PARP8: variants seen among roughly 807,000 people sequenced by gnomAD.
PARP8 encodes the protein protein mono-ADP-ribosyltransferase PARP8.
PARP8 carries 51 observed loss-of-function variants against 124.1 expected under a neutral mutation model. The ratio of observed to expected loss-of-function variants is 0.41; its 90% confidence interval spans 0.33 to 0.52. The LOEUF is 0.52. Ranked by LOEUF, PARP8 falls within the 20% of genes least tolerant of loss-of-function variation. The pLI is 0.21. For missense variants in PARP8, 860 were observed against 1,018.9 expected (o/e 0.84, Z 2.12); for synonymous variants, 391 against 361.5 (o/e 1.08, Z -0.93).
At chr5:50,673,001 A>G (rs1579899827) in intron 2 of PARP8, among the ~76,000 whole-genome samples, 1 of 152,354 alleles carries the variant, frequency 6.6e-6, no homozygotes, top group East Asian at 1.9e-4. Context: ...AGATGTCACA[A>G]TGAAAACAGT....
intron 3 of PARP8, among the ~76,000 whole-genome samples, 170 bp from the exon 4 acceptor site, chr5:50,759,473 C>T (rs1315658342): frequency 6.6e-6 from 1 of 152,156 alleles, no homozygotes; most frequent in Non-Finnish European, 1.5e-5. Flanking sequence ...TTACTTCACA[C>T]ATAAATCTGC....
intron 2 of PARP8, among the ~76,000 whole-genome samples, chr5:50,722,965 T>C (rs1173899478): frequency 6.6e-6 from 1 of 152,138 alleles, no homozygotes; most frequent in Non-Finnish European, 1.5e-5. Flanking sequence ...TAATGCAGCT[T>C]GGCAGCAGTG....
chr5:50,761,749 A>C, intron 5 of PARP8, 72 bp from the exon 6 acceptor site: 3 of 982,578 alleles, frequency 3.1e-6, no homozygotes, highest in Non-Finnish European at 4.6e-6. Context: ...CTTGCCTATT[A>C]TAGTCACTTG....
At chr5:50,761,184 A>G (rs1256082224) in intron 5 of PARP8, among the ~76,000 whole-genome samples, 2 of 152,216 alleles carry the variant, frequency 1.3e-5, no homozygotes, top group Middle Eastern at 3.4e-3. Context: ...TAATAGGGCC[A>G]GTGATAGGAA....
At chr5:50,691,724 T>C (rs1397424715) in intron 2 of PARP8, among the ~76,000 whole-genome samples, 1 of 152,120 alleles carries the variant, frequency 6.6e-6, no homozygotes, top group Non-Finnish European at 1.5e-5. Context: ...CTACTAGACA[T>C]CACAAACTGG....
At chr5:50,835,978 T>G (rs774377374) in intron 25 of PARP8, among the ~76,000 whole-genome samples, 10 of 152,166 alleles carry the variant, frequency 6.6e-5, no homozygotes, top group Non-Finnish European at 1.3e-4. Context: ...TTGTACTTTA[T>G]GTAGTATATT....
intron 2 of PARP8, among the ~76,000 whole-genome samples, chr5:50,719,458 G>A (rs1561285882): frequency 6.6e-6 from 1 of 151,940 alleles, no homozygotes; most frequent in East Asian, 1.9e-4. Flanking sequence ...CATAGTTTCA[G>A]GTCTTAGATT....
intron 15 of PARP8, among the ~76,000 whole-genome samples, chr5:50,818,213 T>C (rs1248251326): frequency 1.7e-5 from 2 of 119,978 alleles, no homozygotes; most frequent in African/African-American, 3.3e-5. Flanking sequence ...CATAGTTGTG[T>C]GCTCTTTTTT....
chr5:50,799,857 T>TCAATTTGTG (rs1347628872), intron 14 of PARP8, among the ~76,000 whole-genome samples: 1 of 152,112 alleles, frequency 6.6e-6, no homozygotes, highest in Admixed American at 6.5e-5. Context: ...AGCAAGAAGA[T>TCAATTTGTG]CAATTTGTGG....
At position 50,844,020 on chromosome 5, in the gene PARP8, T is replaced by G. The variant is rs1047405872; in HGVS notation, c.*1952T>G. ...ATTCAAAATCCACTGACCTAATCCATTATGGCTTTACTTAACATTGGAGTG... is the reference window on the plus strand; with the variant it reads ...ATTCAAAATCCACTGACCTAATCCAGTATGGCTTTACTTAACATTGGAGTG... On this transcript the variant is annotated 3_prime_UTR_variant, in exon 26 of 26. Transcript: ENST00000281631. The G allele has an allele frequency of 4.0e-5, 6 of 151,768 alleles. No individual in the cohort carries two copies. Among genetic ancestry groups the G allele is most frequent in the Non-Finnish European group, 7.4e-5 (5 of 67,802 alleles). The allele number at this position is 151,768 out of a possible 1,614,324, so 9.4% of individuals were successfully genotyped here. A position where few individuals can be genotyped will look rare whatever the true frequency, so the allele number is the denominator to read the frequency against.
intron 14 of PARP8, among the ~76,000 whole-genome samples, chr5:50,812,555 C>G (rs1387098081): frequency 6.6e-6 from 1 of 152,152 alleles, no homozygotes; most frequent in Non-Finnish European, 1.5e-5. Flanking sequence ...CTTGTTCACT[C>G]TGATGGTAGT....
At chr5:50,667,880 TC>T in intron 1 of PARP8, 190 bp from the exon 2 acceptor site, 1 of 1,490,144 alleles carries the variant, frequency 6.7e-7, no homozygotes, top group Non-Finnish European at 8.9e-7. Context: ...GGGGGCGGCC[TC>T]CCGCTGCACC....
chr5:50,738,496 C>A (rs1375741878), intron 2 of PARP8, among the ~76,000 whole-genome samples: 1 of 152,056 alleles, frequency 6.6e-6, no homozygotes, highest in Non-Finnish European at 1.5e-5. Flanking sequence ...TGTTTACATT[C>A]AGTTTTTAAT....
intron 2 of PARP8, among the ~76,000 whole-genome samples, chr5:50,697,786 T>TA (rs1426657305): frequency 4.6e-5 from 7 of 152,220 alleles, no homozygotes; most frequent in African/African-American, 1.7e-4. Flanking sequence ...TTGATAGTAA[T>TA]AGACGGAGGA....
At chr5:50,820,443 C>A (rs1368220721) in intron 15 of PARP8, among the ~76,000 whole-genome samples, 1 of 152,118 alleles carries the variant, frequency 6.6e-6, no homozygotes, top group Admixed American at 6.6e-5. Flanking sequence ...TGGGGACTGG[C>A]AAGGGGAGCC....
At chr5:50,755,157 T>C (rs1759783183) in intron 3 of PARP8, among the ~76,000 whole-genome samples, 1 of 152,234 alleles carries the variant, frequency 6.6e-6, no homozygotes, top group South Asian at 2.1e-4. Flanking sequence ...GGTAGTTTCT[T>C]TTGCTGTGCA....
rs1748596783 is a variant in PARP8, at chr5:50,846,162, A to G, written c.*4094A>G. 6.6e-6 allele frequency: 1 copy of G among 151,736 alleles called. No homozygotes were observed. The highest frequency in any genetic ancestry group is 1.5e-5 in the Non-Finnish European group (1 of 67,752). The allele number at this position is 151,736 out of a possible 1,614,324, so 9.4% of individuals were successfully genotyped here. On this transcript the variant is annotated 3_prime_UTR_variant, in exon 26 of 26. Coordinates refer to ENST00000281631, the MANE Select transcript of PARP8 (RefSeq NM_024615.4). ...ATATCTTCGATCTGCCCAATATTTA[A>G]TGTATCATTTGAGATTTTTAAAAAT... is the stretch of plus-strand genomic sequence containing the variant.
chr5:50,736,474 G>A (rs758565303), intron 2 of PARP8, among the ~76,000 whole-genome samples: 1 of 152,078 alleles, frequency 6.6e-6, no homozygotes, highest in Non-Finnish European at 1.5e-5. Context: ...AGTTTACAAA[G>A]TTAACCTAAT....
At chr5:50,761,235 G>A (rs777379161) in intron 5 of PARP8, among the ~76,000 whole-genome samples, 1 of 151,998 alleles carries the variant, frequency 6.6e-6, no homozygotes, top group Non-Finnish European at 1.5e-5. Context: ...CAGACACATG[G>A]CAGATGTGGC....
Sources: allele counts gnomAD v4.1 joint callset (sites outside exome capture counted in the v4.1 genomes callset), GRCh38; gene constraint gnomAD v4.1.1; transcripts MANE v1.5; gene names NCBI Gene and HGNC (gene_info 2026-07-23, HGNC 2026-07-21).